The following DECR1 variants were observed in gnomAD, a reference collection of about 807,000 sequenced individuals.
The protein encoded by DECR1 is 2,4-dienoyl-CoA reductase [(3E)-enoyl-CoA-producing], mitochondrial.
DECR1 carries 44 observed loss-of-function variants against 38.8 expected under a neutral mutation model. That is an observed-to-expected ratio of 1.13 (90% confidence interval 0.89 to 1.46). The LOEUF (loss-of-function observed/expected upper bound fraction) is 1.46, where lower values mean the gene tolerates loss of function less well. DECR1 is among the 40% of genes most tolerant of loss of function. DECR1 has a pLI of 0.00. For missense variants in DECR1, 428 were observed against 405.5 expected (o/e 1.06, Z -0.48); for synonymous variants, 148 against 135.2 (o/e 1.09, Z -0.66).
chr8:90,041,513 G>A (rs954720815), intron 6 of DECR1, among the ~76,000 whole-genome samples: 4 of 152,094 alleles, frequency 2.6e-5, no homozygotes, highest in Non-Finnish European at 5.9e-5. Flanking sequence ...TTTGAACTTA[G>A]CCCATTTTAT....
rs1258515129 is a variant in DECR1, at chr8:90,052,448, A to C, written c.*551A>C. On this transcript the variant is annotated 3_prime_UTR_variant, in exon 10 of 10. Coordinates refer to ENST00000220764, the MANE Select transcript of DECR1 (RefSeq NM_001359.2). The stretch of plus-strand genomic sequence containing the variant: ...CAGGCATTTTATTTAGTACTGAATA[A>C]GCTATAGCCGTTGCCCTTTTTAAAT... Among the ~76,000 whole-genome samples the C allele has an allele frequency of 6.6e-6, 1 of 152,168 alleles. No homozygotes were observed. The highest frequency in any genetic ancestry group is 1.5e-5 in the Non-Finnish European group (1 of 68,026).
intron 1 of DECR1, among the ~76,000 whole-genome samples, chr8:90,012,166 T>G (rs1235801261): frequency 6.6e-6 from 1 of 151,908 alleles, no homozygotes; most frequent in Non-Finnish European, 1.5e-5. Flanking sequence ...CTTTTTTTTT[T>G]TTTTAAGAGG....
At chr8:90,048,419 T>A (rs1813970641) in intron 8 of DECR1, among the ~76,000 whole-genome samples, 1 of 152,054 alleles carries the variant, frequency 6.6e-6, no homozygotes. Context: ...ACTATGCAGA[T>A]AAACTAGAAA....
Position 90,052,444 on chromosome 8 carries a change from A to C in DECR1, c.*547A>C, listed in dbSNP as rs1280320495. 2.0e-5 allele frequency among the ~76,000 whole-genome samples: 3 copies of C among 152,206 alleles called. No homozygotes were observed. The highest frequency in any genetic ancestry group is 7.2e-5 in the African/African-American group (3 of 41,452). On this transcript the variant is annotated 3_prime_UTR_variant, in exon 10 of 10. Coordinates refer to ENST00000220764, the MANE Select transcript of DECR1 (RefSeq NM_001359.2). The stretch of plus-strand genomic sequence containing the variant: ...TAGCCAGGCATTTTATTTAGTACTG[A>C]ATAAGCTATAGCCGTTGCCCTTTTT...
chr8:90,049,785 A>T (rs1411120153), intron 8 of DECR1, among the ~76,000 whole-genome samples: 4 of 152,194 alleles, frequency 2.6e-5, no homozygotes, highest in Admixed American at 1.3e-4. Flanking sequence ...CTATACTACA[A>T]GGCTACAGTA....
chr8:90,025,329 T>C (rs1320279638), intron 5 of DECR1, among the ~76,000 whole-genome samples: 4 of 152,102 alleles, frequency 2.6e-5, no homozygotes, highest in East Asian at 1.9e-4. Flanking sequence ...GCCATTTTCA[T>C]GATATTGATT....
chr8:90,019,265 T>G, intron 4 of DECR1, 93 bp downstream of exon 4: 5 of 1,085,140 alleles, frequency 4.6e-6, no homozygotes, highest in Non-Finnish European at 6.9e-6. Context: ...TTGATACTGA[T>G]GTAGGACAGG....
At chr8:90,030,792 GTGGGTGCATC>G (rs1322778177) in intron 5 of DECR1, among the ~76,000 whole-genome samples, 1 of 152,112 alleles carries the variant, frequency 6.6e-6, no homozygotes, top group East Asian at 1.9e-4. Flanking sequence ...TTCTAGAACA[GTGGGTGCATC>G]TAAAGAATAT....
chr8:90,040,367 A>G (rs927429824), intron 6 of DECR1, among the ~76,000 whole-genome samples: 1 of 152,184 alleles, frequency 6.6e-6, no homozygotes, highest in African/African-American at 2.4e-5. Context: ...TTAACAGGCT[A>G]TCTTGAGATT....
intron 5 of DECR1, among the ~76,000 whole-genome samples, chr8:90,031,880 G>C (rs551102940): frequency 1.6e-4 from 24 of 152,070 alleles, no homozygotes; most frequent in Non-Finnish European, 3.1e-4. Context: ...ATCCTTCGGT[G>C]ATAGGTAAAG....
intron 6 of DECR1, among the ~76,000 whole-genome samples, chr8:90,040,209 T>A (rs1390417909): frequency 6.6e-6 from 1 of 152,108 alleles, no homozygotes; most frequent in Non-Finnish European, 1.5e-5. Flanking sequence ...CAATTTAGAG[T>A]AGATACACTA....
chr8:90,051,547 T>C, intron 8 of DECR1, 130 bp from the exon 9 acceptor site: 1 of 649,736 alleles, frequency 1.5e-6, no homozygotes, highest in Non-Finnish European at 2.7e-6. Context: ...ATGAGTTTTA[T>C]CTTTAAAATT....
chr8:90,022,333 C>T (rs1813184411), intron 5 of DECR1, among the ~76,000 whole-genome samples: 1 of 152,120 alleles, frequency 6.6e-6, no homozygotes, highest in South Asian at 2.1e-4. Flanking sequence ...AGAGATGCTA[C>T]AGAGGCACTA....
chr8:90,031,194 T>G (rs948981829), intron 5 of DECR1, among the ~76,000 whole-genome samples: 1 of 152,114 alleles, frequency 6.6e-6, no homozygotes, highest in East Asian at 1.9e-4. Flanking sequence ...TGTAAAATAA[T>G]GTTGATAATA....
intron 8 of DECR1, among the ~76,000 whole-genome samples, chr8:90,050,645 A>G (rs934658479): frequency 6.6e-6 from 1 of 152,188 alleles, no homozygotes; most frequent in Non-Finnish European, 1.5e-5. Flanking sequence ...AACTAGAAAT[A>G]CCATTTGACC....
At chr8:90,025,263 T>G (rs564568891) in intron 5 of DECR1, among the ~76,000 whole-genome samples, 4 of 152,314 alleles carry the variant, frequency 2.6e-5, no homozygotes, top group South Asian at 4.1e-4. Flanking sequence ...GTGAAGAAAG[T>G]CATTGGTAGC....
In DECR1 at chr8:90,053,599, C is replaced by T. The variant is rs1814145343; in HGVS notation, c.*1702C>T. Among the ~76,000 whole-genome samples the T allele has an allele frequency of 6.6e-6, 1 of 152,028 alleles. No homozygotes were observed. Among genetic ancestry groups the T allele is most frequent in the African/African-American group, 2.4e-5 (1 of 41,386 alleles). Reference sequence around the variant, plus strand: ...TGGTTAAATTTATACTAAATGTTTACATTTATATAACTTAATAAATATTAT... The same window carrying T: ...TGGTTAAATTTATACTAAATGTTTATATTTATATAACTTAATAAATATTAT... On this transcript the variant is annotated 3_prime_UTR_variant, in exon 10 of 10. Transcript: ENST00000220764.
At chr8:90,045,459 AG>A (rs1813871984) in intron 8 of DECR1, among the ~76,000 whole-genome samples, 1 of 152,176 alleles carries the variant, frequency 6.6e-6, no homozygotes, top group African/African-American at 2.4e-5. Flanking sequence ...ATAGAACTGC[AG>A]GGTGGCAGTG....
At chr8:90,031,971 C>A (rs1227295510) in intron 5 of DECR1, among the ~76,000 whole-genome samples, 1 of 152,168 alleles carries the variant, frequency 6.6e-6, no homozygotes, top group African/African-American at 2.4e-5. Flanking sequence ...ACTAGTCCCC[C>A]ATTGTGGGGA....
Sources: gnomAD v4.1 joint callset for allele counts (sites outside exome capture counted in the v4.1 genomes callset) on GRCh38, gnomAD v4.1.1 for gene constraint, MANE v1.5 for transcripts, NCBI Gene and HGNC (gene_info 2026-07-23, HGNC 2026-07-21) for gene names.